Variants in NRG1 observed in about 807,000 individuals in gnomAD.
NRG1 encodes neuregulin 1, also known as pro-neuregulin-1, membrane-bound isoform.
NRG1 carries 18 observed loss-of-function variants against 63.8 expected under a neutral mutation model. The observed-to-expected ratio is 0.28, with a 90% CI of 0.19 to 0.42. The LOEUF is 0.42. Ranked by LOEUF, NRG1 falls within the 10% of genes least tolerant of loss-of-function variation. The probability of loss-of-function intolerance (pLI) is 1.00; values close to 1 mark genes in which losing one functional copy is unlikely to be tolerated. For synonymous variants in NRG1, 302 were observed against 301.3 expected (o/e 1.00, Z -0.02); for missense variants, 762 against 814.7 (o/e 0.94, Z 0.79).
At chr8:31,780,859 G>T (rs1440712455) in intron 1 of NRG1, among the ~76,000 whole-genome samples, 7 of 152,120 alleles carry the variant, frequency 4.6e-5, no homozygotes, top group African/African-American at 1.7e-4. Context: ...TTTGAATAAG[G>T]TCTTTTTGCC....
intron 1 of NRG1, among the ~76,000 whole-genome samples, chr8:31,692,745 T>C (rs996991798): frequency 6.6e-6 from 1 of 152,166 alleles, no homozygotes. Flanking sequence ...TGTGATTATA[T>C]TGGGCCTGAC....
At chr8:31,677,332 TTATC>T (rs1420588459) in intron 1 of NRG1, among the ~76,000 whole-genome samples, 5 of 152,186 alleles carry the variant, frequency 3.3e-5, no homozygotes, top group African/African-American at 7.2e-5. Context: ...CAAGTGTTTT[TTATC>T]TATCTATGTC....
At chr8:31,997,184 CT>C (rs56256338) in intron 1 of NRG1, among the ~76,000 whole-genome samples, 6,575 of 137,372 alleles carry the variant, frequency 0.048, 395 homozygotes, top group African/African-American at 0.14. Context: ...ATAGTGTAAC[CT>C]TTTTTTTTTT....
chr8:32,731,724 T>C (rs1823720144), intron 6 of NRG1, among the ~76,000 whole-genome samples: 1 of 152,214 alleles, frequency 6.6e-6, no homozygotes, highest in Non-Finnish European at 1.5e-5. Flanking sequence ...CTAGGTCTTA[T>C]GATAATACAT....
chr8:32,141,246 A>G (rs1188894099), intron 1 of NRG1, among the ~76,000 whole-genome samples: 1 of 152,040 alleles, frequency 6.6e-6, no homozygotes, highest in Non-Finnish European at 1.5e-5. Flanking sequence ...CAGGGCAGCA[A>G]CAAGCTTGCT....
chr8:32,734,570 G>A (rs979306663), intron 6 of NRG1, among the ~76,000 whole-genome samples: 3 of 152,170 alleles, frequency 2.0e-5, no homozygotes, highest in Admixed American at 2.0e-4. Context: ...GATATAGACA[G>A]CATTTGTGAG....
intron 1 of NRG1, among the ~76,000 whole-genome samples, chr8:32,501,573 G>T (rs1827856632): frequency 6.6e-6 from 1 of 152,110 alleles, no homozygotes; most frequent in Non-Finnish European, 1.5e-5. Flanking sequence ...AACGTGAAAA[G>T]GTTTGAACAA....
At chr8:31,991,512 C>A (rs1811090777) in intron 1 of NRG1, among the ~76,000 whole-genome samples, 1 of 151,912 alleles carries the variant, frequency 6.6e-6, no homozygotes, top group Non-Finnish European at 1.5e-5. Flanking sequence ...TTATCCTAAT[C>A]TTCACACCAG....
At chr8:31,863,491 T>C (rs1035367813) in intron 1 of NRG1, among the ~76,000 whole-genome samples, 1 of 152,188 alleles carries the variant, frequency 6.6e-6, no homozygotes, top group African/African-American at 2.4e-5. Context: ...ACCTGTATCC[T>C]ACTGTTAATG....
chr8:31,703,621 C>G (rs2131204385), intron 1 of NRG1, among the ~76,000 whole-genome samples: 1 of 152,200 alleles, frequency 6.6e-6, no homozygotes, highest in South Asian at 2.1e-4. Flanking sequence ...AGTTGATGAC[C>G]TTATAGAGAG....
chr8:32,688,339 A>G (rs528724035), intron 5 of NRG1, among the ~76,000 whole-genome samples: 5 of 152,256 alleles, frequency 3.3e-5, no homozygotes, highest in Admixed American at 6.5e-5. Context: ...GTTTCCATTA[A>G]TTGACATTAT....
At chr8:32,156,540 A>T (rs1838089026) in intron 1 of NRG1, among the ~76,000 whole-genome samples, 1 of 152,206 alleles carries the variant, frequency 6.6e-6, no homozygotes. Context: ...GCAGGCTAAA[A>T]TTCTATTGAA....
intron 1 of NRG1, among the ~76,000 whole-genome samples, chr8:32,140,563 G>A (rs951344160): frequency 9.2e-5 from 14 of 151,844 alleles, no homozygotes; most frequent in African/African-American, 3.4e-4. Context: ...CCTGGGTCAA[G>A]TGATCATCCT....
intron 1 of NRG1, among the ~76,000 whole-genome samples, chr8:32,478,147 A>G (rs1824766851): frequency 6.6e-6 from 1 of 152,378 alleles, no homozygotes; most frequent in Non-Finnish European, 1.5e-5. Flanking sequence ...AGCAGTTTCA[A>G]GTATCCTTCT....
chr8:32,434,801 A>G (rs78862841), intron 1 of NRG1, among the ~76,000 whole-genome samples: 5 of 150,630 alleles, frequency 3.3e-5, no homozygotes, highest in African/African-American at 1.2e-4. Flanking sequence ...AAAATATTTG[A>G]AAAAAAAAAT....
At chr8:32,667,232 G>C (rs1193696733) in intron 5 of NRG1, among the ~76,000 whole-genome samples, 1 of 152,160 alleles carries the variant, frequency 6.6e-6, no homozygotes, top group Non-Finnish European at 1.5e-5. Flanking sequence ...TATCTAAACA[G>C]AGAAAAGGTA....
At chr8:32,192,613 A>G (rs1842599744) in intron 1 of NRG1, among the ~76,000 whole-genome samples, 1 of 152,062 alleles carries the variant, frequency 6.6e-6, no homozygotes, top group Non-Finnish European at 1.5e-5. Flanking sequence ...GGAGGGGTGA[A>G]AAAGCTAACT....
chr8:32,360,029 C>CT (rs1807005258), intron 1 of NRG1, among the ~76,000 whole-genome samples: 1 of 152,168 alleles, frequency 6.6e-6, no homozygotes, highest in Non-Finnish European at 1.5e-5. Context: ...AACCAGGAGA[C>CT]TAAGTTCCGT....
At chr8:32,177,755 T>C (rs1840958463) in intron 1 of NRG1, among the ~76,000 whole-genome samples, 1 of 152,104 alleles carries the variant, frequency 6.6e-6, no homozygotes, top group Non-Finnish European at 1.5e-5. Context: ...TGAAAAAAAA[T>C]CATGGGACCA....
Sources: gnomAD v4.1 joint callset for allele counts (sites outside exome capture counted in the v4.1 genomes callset) on GRCh38, gnomAD v4.1.1 for gene constraint, MANE v1.5 for transcripts, NCBI Gene and HGNC (gene_info 2026-07-23, HGNC 2026-07-21) for gene names.